Variants in COL21A1 observed in about 807,000 individuals in gnomAD.
COL21A1 encodes the protein collagen type XXI alpha 1 chain.
Under a neutral mutation model 137.9 loss-of-function variants are expected in COL21A1, and 149 were observed. The observed-to-expected ratio is 1.08, with a 90% CI of 0.95 to 1.24. The LOEUF is 1.24. COL21A1 is among the 50% of genes most tolerant of loss of function. The pLI, the probability that COL21A1 is intolerant of heterozygous loss-of-function variation, is 0.00. For missense variants in COL21A1, 1,167 were observed against 1,158.4 expected (o/e 1.01, Z -0.11); for synonymous variants, 456 against 391.5 (o/e 1.16, Z -1.95).
Position 56,237,232 on chromosome 6 carries a change from T to C in COL21A1, c.-39+10155A>G, listed in dbSNP as rs1253587957. On this transcript the variant is annotated intron_variant, in intron 1 of 29. Transcript: ENST00000244728. Reference sequence around the variant, plus strand: ...AAAGAACCAGGGCTACATGTCTTCATTGCAACTTGAAAAGTCTGCAGCTCT... The same window carrying C: ...AAAGAACCAGGGCTACATGTCTTCACTGCAACTTGAAAAGTCTGCAGCTCT... 3.3e-5 allele frequency among the ~76,000 whole-genome samples: 5 copies of C among 152,124 alleles called. No homozygotes were observed. The East Asian group carries it at 5.8e-4, about 18-fold the overall frequency.
intron 1 of COL21A1, among the ~76,000 whole-genome samples, chr6:56,378,597 C>G (rs926121955): frequency 1.3e-5 from 2 of 152,212 alleles, no homozygotes; most frequent in African/African-American, 2.4e-5. Flanking sequence ...GGTTTTGACT[C>G]TAGTCTCTGG....
rs554725862 is a variant in COL21A1, at chr6:56,076,978, A to G, written c.1857+551T>C. ...CAAATAAAATACCTTAAAAGGTTCC[A>G]AAAGAAAGAAACAGATCACTTACAA... On this transcript the variant is annotated intron_variant, in intron 18 of 29. Coordinates refer to ENST00000244728, the MANE Select transcript of COL21A1 (RefSeq NM_030820.4). Among the ~76,000 whole-genome samples, 5 of 151,514 alleles carry G rather than the reference A, an allele frequency of 3.3e-5. No individual in the cohort carries two copies. The East Asian group carries it at 7.8e-4, about 24-fold the overall frequency.
rs569129610 is a variant in COL21A1 at position 56,113,856 on chromosome 6, C to T, written c.1758+10206G>A. ...ACTGCCCTAAAGAGTGAGTCCCAGG[C>T]CAGGCAGCATTCACCATAAGCTGAC... On this transcript the variant is annotated intron_variant, in intron 16 of 29. Transcript: ENST00000244728. Among the ~76,000 whole-genome samples, 66 of 152,224 alleles carry T rather than the reference C, an allele frequency of 4.3e-4. 2 individuals carry two copies. The South Asian group carries it at 0.013, about 31-fold the overall frequency.
chr6:56,207,152 A>T (rs1188604723), intron 1 of COL21A1, among the ~76,000 whole-genome samples: 1 of 152,166 alleles, frequency 6.6e-6, no homozygotes, highest in East Asian at 1.9e-4. Context: ...CAGCAAACAA[A>T]TTCAAAAGCT....
intron 1 of COL21A1, among the ~76,000 whole-genome samples, chr6:56,384,790 G>A (rs2094014786): frequency 6.6e-6 from 1 of 152,140 alleles, no homozygotes; most frequent in South Asian, 2.1e-4. Flanking sequence ...TTCCTCTGTG[G>A]ACTAAATTCT....
intron 1 of COL21A1, among the ~76,000 whole-genome samples, chr6:56,393,459 C>G (rs975723150): frequency 2.9e-4 from 44 of 149,654 alleles, no homozygotes; most frequent in African/African-American, 1.0e-3. Flanking sequence ...GGAGTAAGAC[C>G]TCAAAAGCAC....
intron 1 of COL21A1, among the ~76,000 whole-genome samples, chr6:56,198,681 C>A (rs1013799684): frequency 6.6e-6 from 1 of 151,986 alleles, no homozygotes; most frequent in African/African-American, 2.4e-5. Context: ...AGTAAGGAGG[C>A]CATGCTTTCA....
chr6:56,138,830 T>C (rs765869299), intron 12 of COL21A1, among the ~76,000 whole-genome samples: 22 of 152,068 alleles, frequency 1.4e-4, no homozygotes, highest in Non-Finnish European at 2.1e-4. Context: ...TAAAGGAAGA[T>C]ATGTGGTAGA....
intron 1 of COL21A1, among the ~76,000 whole-genome samples, chr6:56,360,208 T>A (rs957384634): frequency 4.2e-4 from 64 of 152,046 alleles, no homozygotes; most frequent in African/African-American, 1.5e-3. Context: ...ACCGAATAGG[T>A]TGAGCACATA....
chr6:56,136,236 T>C (rs75298820), intron 12 of COL21A1, among the ~76,000 whole-genome samples: 2,229 of 152,308 alleles, frequency 0.015, 34 homozygotes, highest in Middle Eastern at 0.037. Context: ...CTGATAAATA[T>C]GTAGTTTGAG....
At chr6:56,168,751 G>T (rs572347521) in intron 5 of COL21A1, among the ~76,000 whole-genome samples, 18 of 151,838 alleles carry the variant, frequency 1.2e-4, no homozygotes, top group Non-Finnish European at 2.7e-4. Flanking sequence ...GTCTCTGAGT[G>T]TTCTTCTCCC....
intron 1 of COL21A1, among the ~76,000 whole-genome samples, chr6:56,303,585 T>C (rs955861625): frequency 3.9e-5 from 6 of 152,222 alleles, no homozygotes; most frequent in African/African-American, 1.4e-4. Flanking sequence ...TGATTTTGTA[T>C]CCTGAGACTT....
chr6:56,109,128 A>C (rs539033175), intron 16 of COL21A1, among the ~76,000 whole-genome samples: 1 of 151,890 alleles, frequency 6.6e-6, no homozygotes, highest in East Asian at 1.9e-4. Context: ...CAAAAAACGA[A>C]TGTAAATGAA....
chr6:56,209,893 T>C (rs1274356616), intron 1 of COL21A1, among the ~76,000 whole-genome samples: 1 of 152,166 alleles, frequency 6.6e-6, no homozygotes, highest in Non-Finnish European at 1.5e-5. Context: ...CCATCAATGA[T>C]AGACTGGATT....
At chr6:56,251,136 G>C (rs994564039), upstream of COL21A1, among the ~76,000 whole-genome samples, 1 of 152,146 alleles carries the variant, frequency 6.6e-6, no homozygotes, top group Non-Finnish European at 1.5e-5. Flanking sequence ...GTTACATAAA[G>C]ATTGGCTGTA....
intron 17 of COL21A1, among the ~76,000 whole-genome samples, chr6:56,094,035 T>C (rs1769101773): frequency 6.6e-6 from 1 of 152,202 alleles, no homozygotes. Flanking sequence ...TTTAACATCT[T>C]TTGTAATCTA....
intron 1 of COL21A1, among the ~76,000 whole-genome samples, chr6:56,384,978 C>A (rs2094015134): frequency 6.6e-6 from 1 of 152,168 alleles, no homozygotes. Flanking sequence ...TGCTATGGAG[C>A]ACTGAGGAAG....
At chr6:56,061,403 A>T (rs539523182) in intron 25 of COL21A1, among the ~76,000 whole-genome samples, 1 of 152,328 alleles carries the variant, frequency 6.6e-6, no homozygotes, top group East Asian at 1.9e-4. Flanking sequence ...ATTCAAAAAT[A>T]TGGAGAAAAA....
chr6:56,176,978 G>GGGAGGAAGAGGGAGGAGGAAGGA (rs1777528899), intron 3 of COL21A1, among the ~76,000 whole-genome samples: 1 of 150,050 alleles, frequency 6.7e-6, no homozygotes, highest in African/African-American at 2.5e-5. Flanking sequence ...GGCAGGAGCA[G>GGGAGGAAGAGGGAGGAGGAAGGA]GGAGGAAGAG....
Sources: allele counts gnomAD v4.1 joint callset (sites outside exome capture counted in the v4.1 genomes callset), GRCh38; gene constraint gnomAD v4.1.1; transcripts MANE v1.5; gene names NCBI Gene and HGNC (gene_info 2026-07-23, HGNC 2026-07-21).